The following NLRP14 variants were observed in gnomAD, a reference collection of about 807,000 sequenced individuals.
The protein encoded by NLRP14 is NLR family pyrin domain containing 14, also known as NACHT, LRR and PYD domains-containing protein 14.
A neutral mutation model predicts 94.7 loss-of-function variants in NLRP14; 105 were observed. That is an observed-to-expected ratio of 1.11 (90% CI 0.95 to 1.30). The LOEUF (loss-of-function observed/expected upper bound fraction) is 1.30, where lower values mean the gene tolerates loss of function less well. Ranked by LOEUF, NLRP14 falls within the 50% of genes most tolerant of loss-of-function variation. The pLI is 0.00. For missense variants in NLRP14, 1,362 were observed against 1,254.1 expected, an observed-to-expected ratio of 1.09 and a Z score of -1.30; for synonymous variants, 508 against 459.9, an observed-to-expected ratio of 1.10 and a Z score of -1.34.
chr11:7,089,758 G>T, the NLRP14 span: 8 of 1,569,728 alleles, frequency 5.1e-6, no homozygotes, highest in African/African-American at 1.1e-4. Flanking sequence ...CGGGATGAGG[G>T]CTACTCGTCC....
the NLRP14 span, among the ~76,000 whole-genome samples, chr11:7,085,349 GCAAAGCTGAAA>G: frequency 6.6e-6 from 1 of 152,128 alleles, no homozygotes; most frequent in Non-Finnish European, 1.5e-5. Flanking sequence ...TTTTCATCCT[GCAAAGCTGAAA>G]CTCTGTACTC....
chr11:7,038,814 C>A lies in NLRP14; in HGVS notation c.228C>A (p.Leu76=). Residue 76 remains leucine (L), a synonymous_variant, in exon 2 of 12, where the codon CTC becomes CTA. Transcript: ENST00000299481. ...GAGAGAAAGCCTGGAGTGTGTCTCTCAAAATCTTTGGCAAGATGAACCTGA... is the reference window on the plus strand; with the variant it reads ...GAGAGAAAGCCTGGAGTGTGTCTCTAAAAATCTTTGGCAAGATGAACCTGA... ...YPGEKAWSVS[L]KIFGKMNLKD... is the part of the protein sequence containing the mutation. 3 of 1,612,870 alleles carry A rather than the reference C, an allele frequency of 1.9e-6. No homozygotes were observed. Among genetic ancestry groups the A allele is most frequent in the Non-Finnish European group, 2.5e-6 (3 of 1,179,696 alleles).
rs1852194985 is a variant in NLRP14, at chr11:7,038,590, G to A, written c.4G>A (p.Ala2Thr). 1.9e-6 allele frequency: 3 copies of A among 1,613,370 alleles called. No homozygotes were observed. Among genetic ancestry groups the A allele is most frequent in the Non-Finnish European group, 2.5e-6 (3 of 1,179,900 alleles). M[A>T]DSSSSSFFPD... ...GAGGCCTGAATATTTGGACAAGATG[G>A]CAGATTCATCATCATCTTCTTTCTT... Residue 2 changes from alanine to threonine, a missense_variant, in exon 2 of 12, where the codon GCA (alanine) becomes ACA (threonine). By Grantham distance (58) the Ala-to-Thr change is moderately conservative. Coordinates refer to ENST00000299481, the MANE Select transcript of NLRP14 (RefSeq NM_176822.4).
At chr11:7,025,813 T>A (rs112074841) in intron 1 of NLRP14, among the ~76,000 whole-genome samples, 100,988 of 151,786 alleles carry the variant, frequency 0.67, 34,091 homozygotes, top group East Asian at 0.86. Flanking sequence ...TACATGGAGC[T>A]AAATACATGC....
In NLRP14 at chr11:7,059,912, C is replaced by T. The variant is rs1341628888; in HGVS notation, c.2652C>T (p.Phe884=). Residue 884 remains phenylalanine, a synonymous_variant, in exon 9 of 12, where the codon TTC becomes TTT. Transcript: ENST00000299481. ...LKSLVLRRCH[F]TSLSSEYLST... ...CCTGTAGGCTGAGGCGTTGCCATTT[C>T]ACTTCACTTAGCAGTGAATATCTGT... The T allele has an allele frequency of 6.2e-7, 1 of 1,612,040 alleles. No homozygotes were observed. Among genetic ancestry groups the T allele is most frequent in the South Asian group, 1.1e-5 (1 of 91,048 alleles).
At chr11:7,032,443 T>A (rs1852111846) in intron 1 of NLRP14, among the ~76,000 whole-genome samples, 2 of 150,600 alleles carry the variant, frequency 1.3e-5, no homozygotes, top group South Asian at 2.3e-4. Context: ...GTATTTAGGA[T>A]TTTTTTTTCA....
rs530192985 is a variant in NLRP14, at chr11:7,049,937, G to A, written c.2291+99G>A. ...GCCTGGATTTGCTATTCATAGGACC[G>A]GCTTAAATCTACTTTCATGATATGG... On this transcript the variant is annotated intron_variant, in intron 6 of 11. Transcript: ENST00000299481. The A allele has an allele frequency of 5.0e-5, 50 of 1,000,652 alleles. No homozygotes were observed. In the African/African-American group the frequency reaches 5.5e-4, roughly 11 times the overall value. 62.0% of individuals were successfully genotyped at this position (1,000,652 alleles called of 1,614,324 possible).
At chr11:7,035,034 G>A in intron 1 of NLRP14, among the ~76,000 whole-genome samples, 1 of 152,150 alleles carries the variant, frequency 6.6e-6, no homozygotes, top group East Asian at 1.9e-4. Context: ...CCTGTCACCT[G>A]TAATCCCAGC....
At position 7,044,058 on chromosome 11, in the gene NLRP14, C is replaced by A. The variant is rs6578821; in HGVS notation, c.1958+74C>A. 0.67 allele frequency: 963,186 copies of A among 1,436,084 alleles called. 325,396 individuals are homozygous for A. Among genetic ancestry groups the A allele is most frequent in the East Asian group, 0.84 (36,860 of 43,992 alleles). The allele number at this position is 1,436,084 out of a possible 1,614,324, so 89.0% of individuals were successfully genotyped here. ...GTAGATATTTGTCAGAGGGAGGAGG[C>A]GTTTAGCTGAGGTCCCAGAGCTGAG... is the stretch of plus-strand genomic sequence containing the variant. On this transcript the variant is annotated intron_variant, in intron 4 of 11. Coordinates refer to ENST00000299481, the MANE Select transcript of NLRP14 (RefSeq NM_176822.4).
intron 6 of NLRP14, 22 bp downstream of exon 6, chr11:7,049,860 C>G (rs905101033): frequency 1.2e-6 from 2 of 1,606,334 alleles, no homozygotes; most frequent in African/African-American, 2.7e-5. Flanking sequence ...ATTGTTTTGT[C>G]TTGTTTTGTT....
At chr11:7,026,226 G>A (rs10769757) in intron 1 of NLRP14, among the ~76,000 whole-genome samples, 87,718 of 151,132 alleles carry the variant, frequency 0.58, 26,253 homozygotes, top group East Asian at 0.73. Context: ...GCAACCTACA[G>A]AATGGGAGAA....
chr11:7,049,760 G>C lies in NLRP14; in HGVS notation c.2213G>C (p.Gly738Ala). Residue 738 changes from glycine (G) to alanine (A), a missense_variant, in exon 6 of 12, where the codon GGG becomes GCG. Transcript: ENST00000299481. ...AATCTGATGCATCTTGACCTAAAAG[G>C]GAGTGATATAGGGGATAATGGAGTA... Reference protein sequence around the residue: ...NKNLMHLDLKGSDIGDNGVKS... With the variant: ...NKNLMHLDLKASDIGDNGVKS... 6.2e-7 allele frequency: 1 copy of C among 1,610,072 alleles called. No homozygotes were observed. Among genetic ancestry groups the C allele is most frequent in the East Asian group, 2.2e-5 (1 of 44,814 alleles).
intron 1 of NLRP14, among the ~76,000 whole-genome samples, 190 bp downstream of exon 1, chr11:7,020,960 C>G (rs1851919219): frequency 6.6e-6 from 1 of 152,198 alleles, no homozygotes; most frequent in Admixed American, 6.5e-5. Context: ...TGTCCTGGGA[C>G]CACAGAGAGT....
chr11:7,074,988 C>T (rs1411948287), downstream of NLRP14, among the ~76,000 whole-genome samples: 1 of 152,048 alleles, frequency 6.6e-6, no homozygotes, highest in Non-Finnish European at 1.5e-5. Flanking sequence ...TTTTGGTGCA[C>T]CTGGGGAAGA....
At position 7,043,052 on chromosome 11, in the gene NLRP14, T is replaced by A. The variant is rs755534233; in HGVS notation, c.1026T>A (p.Phe342Leu). 1.2e-6 allele frequency: 2 copies of A among 1,614,150 alleles called. No homozygotes were observed. The highest frequency in any genetic ancestry group is 4.5e-5 in the East Asian group (2 of 44,888). Residue 342 changes from phenylalanine to leucine, a missense_variant, in exon 4 of 12, where the codon TTT becomes TTA. Transcript: ENST00000299481. The stretch of plus-strand genomic sequence containing the variant: ...CAAGAGAGGAGTATATTTACCAGTT[T>A]TTTGAAGATAAGAGGTGGGCCATGA... ...EDAREEYIYQ[F>L]FEDKRWAMKV... is the part of the protein sequence containing the mutation.
Position 7,046,674 on chromosome 11 carries a change from T to A in NLRP14, c.1965T>A (p.Gly655=), listed in dbSNP as rs775603997. The A allele has an allele frequency of 6.2e-7, 1 of 1,613,410 alleles. No homozygotes were observed. The highest frequency in any genetic ancestry group is 8.5e-7 in the Non-Finnish European group (1 of 1,179,300). The change falls in exon 5 of 12, where the codon GGT becomes GGA. Residue 655 remains glycine (G), a synonymous_variant. Transcript: ENST00000299481. ...CTCAATTATTTATGCAAAGGGATGG[T>A]GATCGCATTACTCACTGTTGGCAAG... ...KTSLPTNTWD[G]DRITHCWQDL... is the part of the protein sequence containing the mutation.
chr11:7,047,610 C>G (rs1193598017), intron 5 of NLRP14, among the ~76,000 whole-genome samples: 1 of 151,792 alleles, frequency 6.6e-6, no homozygotes, highest in Non-Finnish European at 1.5e-5. Context: ...CCAGCCTATC[C>G]CTTTCTGTTC....
chr11:7,088,975 CGG>C, the NLRP14 span: 15 of 932,160 alleles, frequency 1.6e-5, no homozygotes, highest in Non-Finnish European at 2.5e-5. Context: ...CGCCCTGCAG[CGG>C]GGCTCCGGCT....
Position 7,062,398 on chromosome 11 carries a change from C to A in NLRP14, c.2870C>A (p.Pro957Gln), listed in dbSNP as rs758968602. Residue 957 changes from proline to glutamine, a missense_variant, in exon 10 of 12, where the codon CCA (proline) becomes CAA (glutamine). Pro to Gln is a moderately conservative substitution (Grantham distance 76). Coordinates refer to ENST00000299481, the MANE Select transcript of NLRP14 (RefSeq NM_176822.4). ...LDLASVILNNPNLRSLDLGNN... is the reference protein window; with the variant it reads ...LDLASVILNNQNLRSLDLGNN... ...CTGGCTTCTGTTATTTTGAATAACCCAAACCTGAGGAGCCTGGACCTTGGG... is the reference window on the plus strand; with the variant it reads ...CTGGCTTCTGTTATTTTGAATAACCAAAACCTGAGGAGCCTGGACCTTGGG... 1 of 1,612,922 alleles carries A rather than the reference C, an allele frequency of 6.2e-7. No homozygotes were observed.
Sources: allele counts gnomAD v4.1 joint callset (sites outside exome capture counted in the v4.1 genomes callset), GRCh38; gene constraint gnomAD v4.1.1; transcripts MANE v1.5; gene names NCBI Gene and HGNC (gene_info 2026-07-23, HGNC 2026-07-21).